Variants in SYNE2 observed in about 807,000 individuals in gnomAD.
SYNE2 encodes spectrin repeat containing nuclear envelope protein 2.
A neutral mutation model predicts 856.3 loss-of-function variants in SYNE2; 431 were observed. The observed-to-expected ratio is 0.50, with a 90% CI of 0.47 to 0.55. The LOEUF (loss-of-function observed/expected upper bound fraction) is 0.55. Ranked by LOEUF, SYNE2 falls within the 20% of genes least tolerant of loss-of-function variation. SYNE2 has a pLI of 0.00. For missense variants in SYNE2, 8,129 were observed against 8,023.2 expected, an observed-to-expected ratio of 1.01 and a Z score of -0.50; for synonymous variants, 2,923 against 2,872.3, an observed-to-expected ratio of 1.02 and a Z score of -0.56.
Position 64,122,152 on chromosome 14 carries a change from G to C in SYNE2, c.13280+19G>C, listed in dbSNP as rs1567364861. 2 of 1,614,130 alleles carry C rather than the reference G, an allele frequency of 1.2e-6. No individual in the cohort carries two copies. The highest frequency in any genetic ancestry group is 1.1e-5 in the South Asian group (1 of 91,082). ...CTGCAAGGTAAAACATTTAAAAATA[G>C]AGTTGGTCATTCAGTGGTTTTATGA... On this transcript the variant is annotated intron_variant, in intron 69 of 115. Coordinates refer to ENST00000555002, the MANE Select transcript of SYNE2 (RefSeq NM_182914.3).
At chr14:63,887,279 C>CAA (rs112123296) in intron 1 of SYNE2, among the ~76,000 whole-genome samples, 11 of 141,532 alleles carry the variant, frequency 7.8e-5, no homozygotes, top group African/African-American at 2.8e-4. Context: ...GACTCCATCT[C>CAA]AAAAAAAAAA....
rs112771642 is a variant in SYNE2 at position 64,149,018 on chromosome 14, T to C, written c.15639+2795T>C. Among the ~76,000 whole-genome samples the C allele has an allele frequency of 1.3e-4, 19 of 148,528 alleles. 1 individual carries two copies. The highest frequency in any genetic ancestry group is 4.2e-4 in the African/African-American group (17 of 40,292). ...TCCACTATTCTTTGCATACAAGAAC[T>C]AAAATGAGGCCAGGTGCAGTTGCTC... On this transcript the variant is annotated intron_variant, in intron 84 of 115. Coordinates refer to ENST00000555002, the MANE Select transcript of SYNE2 (RefSeq NM_182914.3).
intron 2 of SYNE2, among the ~76,000 whole-genome samples, chr14:63,917,716 T>A (rs964798677): frequency 2.0e-5 from 3 of 152,182 alleles, no homozygotes; most frequent in Non-Finnish European, 4.4e-5. Context: ...GTGATCTGCC[T>A]GCCTTGGCCT....
At chr14:63,820,009 TAA>T (rs35669041) in intron 1 of SYNE2, among the ~76,000 whole-genome samples, 9,094 of 152,122 alleles carry the variant, frequency 0.06, 291 homozygotes, top group Middle Eastern at 0.099. Flanking sequence ...TAGAAGGAAT[TAA>T]AAGTCTTTTT....
Position 64,073,877 on chromosome 14 carries a change from G to T in SYNE2, c.10698-91G>T, listed in dbSNP as rs1351948077. The stretch of plus-strand genomic sequence containing the variant: ...TAACCATCCTTTAGTAGCTATTCAG[G>T]CATTTCATTAATTGTTGCAATAAAA... On this transcript the variant is annotated intron_variant, in intron 52 of 115. Coordinates refer to ENST00000555002, the MANE Select transcript of SYNE2 (RefSeq NM_182914.3). 4 of 1,378,684 alleles carry T rather than the reference G, an allele frequency of 2.9e-6. No homozygotes were observed. In the African/African-American group the frequency reaches 4.3e-5, roughly 15 times the overall value. 85.4% of individuals were successfully genotyped at this position (1,378,684 alleles called of 1,614,324 possible). A position where few individuals can be genotyped will look rare whatever the true frequency, so the allele number is the denominator to read the frequency against.
rs542869459 is a variant in SYNE2 at position 63,878,729 on chromosome 14, G to C, written c.-52+25586G>C. 2.1e-3 allele frequency among the ~76,000 whole-genome samples: 312 copies of C among 152,172 alleles called. 1 individual carries two copies. The highest frequency in any genetic ancestry group is 4.0e-3 in the Non-Finnish European group (271 of 68,004). ...GGCTAAATTTTGTATTTTTAGTAGA[G>C]ATGAGGTTTCATCATGTTGGTTAGC... On this transcript the variant is annotated intron_variant, in intron 1 of 115. Transcript: ENST00000555002.
rs895077342 is a variant in SYNE2, at chr14:64,019,981, A to G, written c.5050-11A>G. The G allele has an allele frequency of 6.5e-7, 1 of 1,544,562 alleles. No homozygotes were observed. Among genetic ancestry groups the G allele is most frequent in the South Asian group, 1.1e-5 (1 of 89,538 alleles). On this transcript the variant is annotated splice_polypyrimidine_tract_variant and intron_variant, in intron 34 of 115. Transcript: ENST00000555002. ...TAAAAAGACACTATCCTTTAAAATT[A>G]CATGTTTTAGGAAGAATTACAAGTC...
intron 84 of SYNE2, among the ~76,000 whole-genome samples, chr14:64,147,255 A>G (rs1330889166): frequency 6.6e-6 from 1 of 152,082 alleles, no homozygotes; most frequent in Non-Finnish European, 1.5e-5. Context: ...GACCACCCTC[A>G]GTGCAGGCCT....
At chr14:64,023,137 G>A (rs374204639) in intron 38 of SYNE2, 8 of 397,812 alleles carry the variant, frequency 2.0e-5, no homozygotes, top group Admixed American at 4.1e-5. Context: ...AGTACCTGTA[G>A]TCCCAGGTGA....
In SYNE2 at chr14:64,052,492, G is replaced by T; in HGVS notation, c.8579G>T (p.Arg2860Met). ...GAAAGTGAAACACTGATAATTCCCAGGGTGGAGACAGCTGCCACGGAAGCT... is the reference window on the plus strand; with the variant it reads ...GAAAGTGAAACACTGATAATTCCCATGGTGGAGACAGCTGCCACGGAAGCT... ...VQESETLIIP[R>M]VETAATEAEL... The change falls in exon 48 of 116, where the codon AGG (arginine) becomes ATG (methionine). Residue 2860 changes from arginine to methionine, a missense_variant. Physicochemically the swap from Arg to Met is moderately conservative, Grantham distance 91. Around this residue, in one of 3 missense-constraint regions of SYNE2, gnomAD observed 5,410 missense variants for 5,284.8 expected, o/e 1.02. Coordinates refer to ENST00000555002, the MANE Select transcript of SYNE2 (RefSeq NM_182914.3). 1.2e-6 allele frequency: 2 copies of T among 1,614,008 alleles called. No homozygotes were observed. The highest frequency in any genetic ancestry group is 1.7e-6 in the Non-Finnish European group (2 of 1,179,936).
intron 74 of SYNE2, among the ~76,000 whole-genome samples, chr14:64,129,337 T>C (rs1420103474): frequency 6.6e-6 from 1 of 152,138 alleles, no homozygotes; most frequent in Non-Finnish European, 1.5e-5. Flanking sequence ...GTCATAAATA[T>C]TTAAGGATGG....
At chr14:64,162,470 A>G in intron 88 of SYNE2, 194 bp downstream of exon 88, 1 of 662,964 alleles carries the variant, frequency 1.5e-6, no homozygotes, top group Non-Finnish European at 2.7e-6. Context: ...TAGGCAGCAA[A>G]TAGCTGGATC....
intron 32 of SYNE2, 28 bp downstream of exon 32, chr14:64,010,144 T>C (rs2096832181): frequency 1.3e-6 from 2 of 1,598,656 alleles, no homozygotes; most frequent in Non-Finnish European, 8.5e-7. Flanking sequence ...TAGAAAAAAC[T>C]GCCCAGTGAC....
chr14:64,075,786 T>C, intron 53 of SYNE2, 159 bp from the exon 54 acceptor site: 1 of 691,882 alleles, frequency 1.4e-6, no homozygotes, highest in Non-Finnish European at 2.5e-6. Flanking sequence ...CTAAACTGAG[T>C]GTCTCTGGGG....
chr14:63,860,951 C>T (rs1425014494), intron 1 of SYNE2, among the ~76,000 whole-genome samples: 1 of 152,004 alleles, frequency 6.6e-6, no homozygotes, highest in Admixed American at 6.6e-5. Context: ...GTCCAGGGAC[C>T]AGGAGCAGCC....
chr14:64,109,662 C>A (rs1314950190), intron 65 of SYNE2, among the ~76,000 whole-genome samples: 1 of 152,200 alleles, frequency 6.6e-6, no homozygotes, highest in African/African-American at 2.4e-5. Context: ...AGATGTTACC[C>A]TTTACTACAG....
Position 64,067,521 on chromosome 14 carries a change from C to T in SYNE2, c.10431+1871C>T, listed in dbSNP as rs2097366796. Reference sequence around the variant, plus strand: ...AATAAAAAGTATATCATCTAACAGCCCATACATGTAAGCTTCTGTTAGCAT... The same window carrying T: ...AATAAAAAGTATATCATCTAACAGCTCATACATGTAAGCTTCTGTTAGCAT... On this transcript the variant is annotated intron_variant, in intron 51 of 115. Coordinates refer to ENST00000555002, the MANE Select transcript of SYNE2 (RefSeq NM_182914.3). 2.0e-5 allele frequency among the ~76,000 whole-genome samples: 3 copies of T among 152,088 alleles called. No individual in the cohort carries two copies. The South Asian group carries it at 6.2e-4, about 32-fold the overall frequency.
rs2098702969 is a variant in SYNE2, at chr14:64,223,203, G to A, written c.20205G>A (p.Glu6735=). The change falls in exon 113 of 116, where the codon GAG becomes GAA. Residue 6735 remains glutamate, a synonymous_variant. Transcript: ENST00000555002. ...CRRELMQLEK[E]LVERQPQVDM... ...TCTGTTTTCAGCAACTGGAAAAGGA[G>A]CTGGTAGAACGTCAACCTCAAGTGG... 3.1e-6 allele frequency: 5 copies of A among 1,613,918 alleles called. No individual in the cohort carries two copies.
rs575486128 is a variant in SYNE2 at position 63,819,443 on chromosome 14, G to GCTGGT, written c.-304-33055_-304-33051dup. The stretch of plus-strand genomic sequence containing the variant: ...GATGGGGTTTCACCATGTTGGCTGG[G>GCTGGT]CTGGTCTCGAACTCCTGACCTCAGG... On this transcript the variant is annotated intron_variant, in intron 1 of 23. Coordinates refer to the SYNE2 transcript ENST00000674003. Among the ~76,000 whole-genome samples the GCTGGT allele has an allele frequency of 5.7e-3, 863 of 152,000 alleles. 5 individuals are homozygous for GCTGGT. Among genetic ancestry groups the GCTGGT allele is most frequent in the African/African-American group, 0.019 (799 of 41,452 alleles).
Sources: allele counts gnomAD v4.1 joint callset (sites outside exome capture counted in the v4.1 genomes callset), GRCh38; gene constraint gnomAD v4.1.1; regional missense constraint gnomAD v4.1.1; transcripts MANE v1.5; gene names NCBI Gene and HGNC (gene_info 2026-07-23, HGNC 2026-07-21).